The following KLHL32 variants were observed in gnomAD, a reference collection of about 807,000 sequenced individuals.
The protein encoded by KLHL32 is kelch like family member 32.
In KLHL32, 35 loss-of-function variants were observed where a neutral mutation model predicts 64.8. The ratio of observed to expected loss-of-function variants is 0.54; its 90% CI spans 0.41 to 0.72. KLHL32 has a LOEUF of 0.72. Among genes scored for constraint, KLHL32 ranks in the 30% least tolerant of loss-of-function variants. The probability of loss-of-function intolerance (pLI) is 0.00; values close to 1 mark genes in which losing one functional copy is unlikely to be tolerated. For missense variants in KLHL32, 589 were observed against 768.5 expected (o/e 0.77, Z 2.76); for synonymous variants, 259 against 281.0 (o/e 0.92, Z 0.78).
chr6:96,914,255 T>C, the KLHL32 span, among the ~76,000 whole-genome samples: 1 of 152,142 alleles, frequency 6.6e-6, no homozygotes, highest in Admixed American at 6.5e-5. Flanking sequence ...TACAGAACTG[T>C]AATATAATAC....
chr6:96,911,718 T>C, the KLHL32 span, among the ~76,000 whole-genome samples: 11 of 151,686 alleles, frequency 7.3e-5, no homozygotes, highest in African/African-American at 2.7e-4. Flanking sequence ...CCAATAAACA[T>C]TTTTTTTGGT....
chr6:97,029,257 A>G lies in KLHL32; in HGVS notation c.205-12235A>G, dbSNP rs1356592276. ...TGATGCTTGTTTTGAAGAGCTCATTATCACTGTATAGTTAATTTAGGAAGC... is the reference window on the plus strand; with the variant it reads ...TGATGCTTGTTTTGAAGAGCTCATTGTCACTGTATAGTTAATTTAGGAAGC... On this transcript the variant is annotated intron_variant, in intron 3 of 10. Transcript: ENST00000369261. 2.6e-5 allele frequency among the ~76,000 whole-genome samples: 4 copies of G among 152,236 alleles called. No homozygotes were observed. In the South Asian group the frequency reaches 8.3e-4, roughly 32 times the overall value.
chr6:96,995,502 C>T (rs1248671440), intron 3 of KLHL32, among the ~76,000 whole-genome samples: 2 of 152,152 alleles, frequency 1.3e-5, no homozygotes, highest in African/African-American at 2.4e-5. Context: ...TCCTGAGCCC[C>T]TCACTTCCTG....
chr6:96,927,093 ATC>A (rs964439852), intron 1 of KLHL32, among the ~76,000 whole-genome samples: 1 of 152,214 alleles, frequency 6.6e-6, no homozygotes, highest in Admixed American at 6.5e-5. Flanking sequence ...GGTTTTCTAG[ATC>A]TCTGTCTTAT....
chr6:97,008,254 C>A (rs1461314461), intron 3 of KLHL32, among the ~76,000 whole-genome samples: 3 of 152,060 alleles, frequency 2.0e-5, no homozygotes, highest in African/African-American at 7.2e-5. Context: ...CTGGAACTCT[C>A]TGACAGTCAG....
chr6:96,978,724 C>T (rs1041216206), intron 3 of KLHL32, among the ~76,000 whole-genome samples: 2 of 152,242 alleles, frequency 1.3e-5, no homozygotes, highest in East Asian at 3.9e-4. Context: ...TGCCAAACGG[C>T]TTTCCACAAT....
chr6:97,133,989 TAAGTTA>T, intron 10 of KLHL32, among the ~76,000 whole-genome samples: 1 of 152,110 alleles, frequency 6.6e-6, no homozygotes, highest in African/African-American at 2.4e-5. Context: ...ACAATGCAAT[TAAGTTA>T]GAACTTAACA....
chr6:97,096,420 A>G (rs1344401886), intron 6 of KLHL32, among the ~76,000 whole-genome samples: 5 of 152,232 alleles, frequency 3.3e-5, no homozygotes, highest in Admixed American at 3.3e-4. Flanking sequence ...AAGAAAATAG[A>G]AAGTAGAAGC....
At chr6:96,928,666 A>G (rs554299296) in intron 1 of KLHL32, among the ~76,000 whole-genome samples, 1 of 152,230 alleles carries the variant, frequency 6.6e-6, no homozygotes, top group Non-Finnish European at 1.5e-5. Flanking sequence ...GATGGCTGGT[A>G]TATAATTTCC....
At chr6:96,966,784 G>C (rs978842675) in intron 1 of KLHL32, among the ~76,000 whole-genome samples, 3 of 151,944 alleles carry the variant, frequency 2.0e-5, no homozygotes, top group African/African-American at 7.3e-5. Context: ...TTACTTCCTA[G>C]TCCTTGAAGC....
chr6:96,935,573 A>C (rs1770495077), intron 1 of KLHL32, among the ~76,000 whole-genome samples: 1 of 152,156 alleles, frequency 6.6e-6, no homozygotes, highest in Admixed American at 6.5e-5. Context: ...TTGCAGCCTC[A>C]TTAGGTGGTT....
intron 3 of KLHL32, among the ~76,000 whole-genome samples, chr6:97,018,105 A>G (rs1274408998): frequency 6.6e-6 from 1 of 152,164 alleles, no homozygotes; most frequent in Non-Finnish European, 1.5e-5. Flanking sequence ...GAAACTAGTT[A>G]TTGATGCAGT....
At chr6:96,964,489 T>G (rs758395603) in intron 1 of KLHL32, among the ~76,000 whole-genome samples, 3 of 152,114 alleles carry the variant, frequency 2.0e-5, no homozygotes, top group Non-Finnish European at 4.4e-5. Context: ...CCGTCTCTAC[T>G]TAAAATACAA....
intron 1 of KLHL32, among the ~76,000 whole-genome samples, chr6:96,961,702 G>T (rs929347281): frequency 6.6e-6 from 1 of 152,210 alleles, no homozygotes; most frequent in Non-Finnish European, 1.5e-5. Context: ...TGATTGGTGA[G>T]TCGGAAAGGT....
chr6:97,120,080 C>G (rs920461950), intron 7 of KLHL32, among the ~76,000 whole-genome samples: 5 of 152,024 alleles, frequency 3.3e-5, no homozygotes, highest in Non-Finnish European at 7.4e-5. Flanking sequence ...GGCTGGTAAA[C>G]GCTGAGAGCA....
chr6:97,080,695 C>T (rs1234672696), intron 5 of KLHL32, among the ~76,000 whole-genome samples: 1 of 152,182 alleles, frequency 6.6e-6, no homozygotes, highest in African/African-American at 2.4e-5. Context: ...GTTCTAGGCT[C>T]TGGGGATACA....
At chr6:97,119,481 T>G (rs950343100) in intron 7 of KLHL32, among the ~76,000 whole-genome samples, 2 of 152,038 alleles carry the variant, frequency 1.3e-5, no homozygotes, top group Non-Finnish European at 2.9e-5. Flanking sequence ...GATATCAAGG[T>G]CCAAAATATT....
intron 1 of KLHL32, among the ~76,000 whole-genome samples, chr6:96,949,931 T>G (rs1252589051): frequency 6.6e-6 from 1 of 152,134 alleles, no homozygotes; most frequent in East Asian, 1.9e-4. Context: ...ATAGTAAAAT[T>G]ATGGCTAGTG....
At chr6:97,041,101 G>A (rs997182775) in intron 3 of KLHL32, among the ~76,000 whole-genome samples, 1 of 152,210 alleles carries the variant, frequency 6.6e-6, no homozygotes, top group Non-Finnish European at 1.5e-5. Context: ...GCAGAAAAAA[G>A]CAGAGAAGTC....
Sources: gnomAD v4.1 joint callset for allele counts (sites outside exome capture counted in the v4.1 genomes callset) on GRCh38, gnomAD v4.1.1 for gene constraint, MANE v1.5 for transcripts, NCBI Gene and HGNC (gene_info 2026-07-23, HGNC 2026-07-21) for gene names.